The following XYLB variants were observed in gnomAD, a reference collection of about 807,000 sequenced individuals.
XYLB encodes xylulokinase.
In XYLB, 62 loss-of-function variants were observed where a neutral mutation model predicts 78.7. The observed-to-expected ratio is 0.79, with a 90% CI of 0.64 to 0.97. The LOEUF (loss-of-function observed/expected upper bound fraction) is 0.97. Among genes scored for constraint, XYLB ranks in the 50% least tolerant of loss-of-function variants. The pLI is 0.00. For synonymous variants in XYLB, 245 were observed against 247.4 expected, an observed-to-expected ratio of 0.99 and a Z score of 0.09; for missense variants, 687 against 676.8, an observed-to-expected ratio of 1.02 and a Z score of -0.17.
rs1224126862 is a variant in XYLB, at chr3:38,346,854, C to G, written c.-15C>G. The G allele has an allele frequency of 6.6e-7, 1 of 1,512,842 alleles. No individual in the cohort carries two copies. The highest frequency in any genetic ancestry group is 8.8e-7 in the Non-Finnish European group (1 of 1,132,982). The allele number at this position is 1,512,842 out of a possible 1,614,324, so 93.7% of individuals were successfully genotyped here. A position where few individuals can be genotyped will look rare whatever the true frequency, so the allele number is the denominator to read the frequency against. On this transcript the variant is annotated 5_prime_UTR_variant, in exon 1 of 19. Coordinates refer to ENST00000207870, the MANE Select transcript of XYLB (RefSeq NM_005108.4). Reference sequence around the variant, plus strand: ...ACGGACGGACTGACGGACGCGCAGCCTTACCCGAAAGGCCATGGCGGAGCA... The same window carrying G: ...ACGGACGGACTGACGGACGCGCAGCGTTACCCGAAAGGCCATGGCGGAGCA...
the XYLB span, among the ~76,000 whole-genome samples, chr3:38,427,259 A>C: frequency 8.5e-5 from 13 of 152,280 alleles, no homozygotes; most frequent in Admixed American, 8.5e-4. Flanking sequence ...TCTTGGCACC[A>C]TGTTGCTCAG....
At chr3:38,363,765 G>A (rs1046894523) in intron 4 of XYLB, among the ~76,000 whole-genome samples, 4 of 152,156 alleles carry the variant, frequency 2.6e-5, no homozygotes, top group East Asian at 1.9e-4. Flanking sequence ...CATGAGGCAC[G>A]GAGAGGTGAT....
intron 15 of XYLB, among the ~76,000 whole-genome samples, chr3:38,392,078 C>T (rs1296200467): frequency 6.6e-6 from 1 of 152,164 alleles, no homozygotes; most frequent in Non-Finnish European, 1.5e-5. Context: ...ACTGCTGCTG[C>T]TTCTGCTGCT....
chr3:38,440,783 T>A, the XYLB span, among the ~76,000 whole-genome samples: 3 of 152,232 alleles, frequency 2.0e-5, no homozygotes, highest in Non-Finnish European at 4.4e-5. Flanking sequence ...GGGTACACAC[T>A]TTTTTCTTTA....
At chr3:38,432,020 C>T in the XYLB span, among the ~76,000 whole-genome samples, 2 of 151,780 alleles carry the variant, frequency 1.3e-5, no homozygotes, top group Non-Finnish European at 2.9e-5. Context: ...ATAACTGTTC[C>T]AAAGGGGAGA....
Position 38,360,350 on chromosome 3 carries a change from G to T in XYLB, c.152G>T (p.Gly51Val), listed in dbSNP as rs1183066959. 6.2e-7 allele frequency: 1 copy of T among 1,613,956 alleles called. No homozygotes were observed. The highest frequency in any genetic ancestry group is 1.1e-5 in the South Asian group (1 of 91,070). Reference protein sequence around the residue: ...RDLPEFGTQGGVHVHKDGLTV... With the variant: ...RDLPEFGTQGVVHVHKDGLTV... ...TGTTGTTCTTGCAGGACTCAGGGTG[G>T]TGTTCATGTGCACAAGGATGGGCTG... The change falls in exon 3 of 19, where the codon GGT becomes GTT. Residue 51 changes from glycine to valine, a missense_variant. Coordinates refer to ENST00000207870, the MANE Select transcript of XYLB (RefSeq NM_005108.4).
chr3:38,417,867 G>A, downstream of XYLB, among the ~76,000 whole-genome samples: 1 of 134,964 alleles, frequency 7.4e-6, no homozygotes, highest in Non-Finnish European at 1.5e-5. Flanking sequence ...GTAACAGAGT[G>A]AGACTTCATC....
chr3:38,394,647 T>C (rs1313755219), intron 15 of XYLB, among the ~76,000 whole-genome samples: 1 of 152,244 alleles, frequency 6.6e-6, no homozygotes, highest in Non-Finnish European at 1.5e-5. Context: ...TCTCAAAATT[T>C]AGCAGCTTAA....
intron 3 of XYLB, among the ~76,000 whole-genome samples, chr3:38,361,988 C>G (rs1365464883): frequency 6.6e-6 from 1 of 152,106 alleles, no homozygotes; most frequent in African/African-American, 2.4e-5. Flanking sequence ...ACCATCCATC[C>G]CACTCACTGG....
At chr3:38,373,935 C>T (rs1319496788) in intron 10 of XYLB, among the ~76,000 whole-genome samples, 11 of 151,902 alleles carry the variant, frequency 7.2e-5, no homozygotes, top group Admixed American at 5.2e-4. Context: ...GGGAGGATTG[C>T]GTGATCCCGG....
intron 15 of XYLB, among the ~76,000 whole-genome samples, chr3:38,393,713 C>T (rs1415090016): frequency 6.6e-6 from 1 of 152,202 alleles, no homozygotes; most frequent in Non-Finnish European, 1.5e-5. Context: ...TGTGTCTCCA[C>T]ATGGTCTCCT....
At chr3:38,384,451 C>G (rs1030582720) in intron 15 of XYLB, among the ~76,000 whole-genome samples, 7 of 152,222 alleles carry the variant, frequency 4.6e-5, no homozygotes, top group Admixed American at 3.9e-4. Flanking sequence ...CAGTCCTTCT[C>G]TCTTCCCAGA....
chr3:38,381,440 A>G (rs1047705401), intron 15 of XYLB, among the ~76,000 whole-genome samples: 4 of 152,334 alleles, frequency 2.6e-5, no homozygotes, highest in East Asian at 1.9e-4. Flanking sequence ...GGGCACCTTG[A>G]AAAAAGAACA....
intron 2 of XYLB, among the ~76,000 whole-genome samples, chr3:38,358,475 G>A (rs1299656700): frequency 6.6e-6 from 1 of 151,426 alleles, no homozygotes; most frequent in Non-Finnish European, 1.5e-5. Flanking sequence ...CTCCCAAGTA[G>A]CTGGGATTAC....
At chr3:38,357,203 C>T (rs2125562066) in intron 2 of XYLB, 1 of 152,346 alleles carries the variant, frequency 6.6e-6, no homozygotes, top group South Asian at 2.1e-4. Context: ...CAAACTAATA[C>T]AATGTATACG....
In XYLB at chr3:38,374,467, C is replaced by T; in HGVS notation, c.853C>T (p.Leu285=). Residue 285 remains leucine (L), a synonymous_variant, in exon 11 of 19, where the codon CTG becomes TTG. Coordinates refer to ENST00000207870, the MANE Select transcript of XYLB (RefSeq NM_005108.4). ...VAFTGDNPAS[L]AGMRLEEGDI... ...AGCTCCCCTCCCATTCTCAGCGTCG[C>T]TGGCAGGCATGAGACTGGAGGAAGG... The T allele has an allele frequency of 6.2e-7, 1 of 1,614,084 alleles. No individual in the cohort carries two copies. The highest frequency in any genetic ancestry group is 8.5e-7 in the Non-Finnish European group (1 of 1,179,976).
At chr3:38,418,754 A>G (rs1167996149), downstream of XYLB, among the ~76,000 whole-genome samples, 1 of 152,098 alleles carries the variant, frequency 6.6e-6, no homozygotes, top group Non-Finnish European at 1.5e-5. Flanking sequence ...AAATTATTTG[A>G]TATTTCAAAA....
chr3:38,390,920 G>T (rs1017119580), intron 15 of XYLB, among the ~76,000 whole-genome samples: 1 of 152,074 alleles, frequency 6.6e-6, no homozygotes, highest in East Asian at 1.9e-4. Context: ...CAGCACTCGG[G>T]TTAAGAAATA....
At chr3:38,399,867 C>T (rs1283900103) in intron 17 of XYLB, among the ~76,000 whole-genome samples, 3 of 152,222 alleles carry the variant, frequency 2.0e-5, no homozygotes, top group Non-Finnish European at 2.9e-5. Flanking sequence ...TTCTCCCCAT[C>T]TGGGTCTGGG....
Sources: allele counts gnomAD v4.1 joint callset (sites outside exome capture counted in the v4.1 genomes callset), GRCh38; gene constraint gnomAD v4.1.1; transcripts MANE v1.5; gene names NCBI Gene and HGNC (gene_info 2026-07-23, HGNC 2026-07-21).